Variants in PDE10A observed in about 807,000 individuals in gnomAD.
PDE10A encodes phosphodiesterase 10A.
PDE10A carries 39 observed loss-of-function variants against 97.7 expected under a neutral mutation model. That is an observed-to-expected ratio of 0.40 (90% CI 0.31 to 0.52). PDE10A has a LOEUF of 0.52. PDE10A is among the 20% of genes least tolerant of loss of function. PDE10A has a pLI of 0.56. For synonymous variants in PDE10A, 371 were observed against 376.8 expected, an observed-to-expected ratio of 0.98 and a Z score of 0.18; for missense variants, 731 against 1,047.8, an observed-to-expected ratio of 0.70 and a Z score of 4.17.
chr6:165,343,216 A>G (rs904361713), intron 19 of PDE10A, among the ~76,000 whole-genome samples, 175 bp downstream of exon 19: 1 of 152,240 alleles, frequency 6.6e-6, no homozygotes, highest in Non-Finnish European at 1.5e-5. Context: ...AGTAATATGT[A>G]AAAGAATGAT....
At chr6:165,412,123 G>A (rs1156629351) in intron 13 of PDE10A, among the ~76,000 whole-genome samples, 1 of 151,502 alleles carries the variant, frequency 6.6e-6, no homozygotes, top group African/African-American at 2.4e-5. Flanking sequence ...AATCCAAAAT[G>A]AATTTTAACA....
chr6:165,662,609 G>A lies in PDE10A; in HGVS notation c.203C>T (p.Pro68Leu), dbSNP rs1198907471. 3 of 144,694 alleles carry A rather than the reference G, an allele frequency of 2.1e-5. No individual in the cohort carries two copies. Among genetic ancestry groups the A allele is most frequent in the South Asian group, 2.1e-4 (1 of 4,768 alleles). The allele number at this position is 144,694 out of a possible 1,614,324, so 9.0% of individuals were successfully genotyped here. A position where few individuals can be genotyped will look rare whatever the true frequency, so the allele number is the denominator to read the frequency against. The change falls in exon 1 of 22, where the codon CCC (proline) becomes CTC (leucine). Residue 68 changes from proline (P) to leucine (L), a missense_variant. Around this residue, in one of 8 missense-constraint regions of PDE10A, gnomAD observed 181 missense variants for 159.1 expected, o/e 1.14. Coordinates refer to ENST00000539869, the MANE Select transcript of PDE10A (RefSeq NM_001385079.1). Reference sequence around the variant, plus strand: ...GCTGGGGCGGCCTGCGGAGGAGAGGGGCGGGCGCGGGGGCGCGGCGCGCTC... The same window carrying A: ...GCTGGGGCGGCCTGCGGAGGAGAGGAGCGGGCGCGGGGGCGCGGCGCGCTC... ...RAERAAPPRP[P>L]LSSAGRPSPA...
chr6:165,498,637 C>T (rs1298067812), intron 2 of PDE10A, among the ~76,000 whole-genome samples: 1 of 151,770 alleles, frequency 6.6e-6, no homozygotes, highest in African/African-American at 2.4e-5. Context: ...GAGATCTTAA[C>T]TGGAAAGTGT....
At chr6:165,560,522 G>A (rs1485231649) in intron 1 of PDE10A, among the ~76,000 whole-genome samples, 3 of 152,212 alleles carry the variant, frequency 2.0e-5, no homozygotes, top group Non-Finnish European at 4.4e-5. Flanking sequence ...GTAAACGGGT[G>A]TTGGTTTAAG....
intron 15 of PDE10A, 80 bp from the exon 16 acceptor site, chr6:165,392,876 T>C (rs2128215988): frequency 8.2e-7 from 1 of 1,223,114 alleles, no homozygotes; most frequent in Non-Finnish European, 1.2e-6. Context: ...TTTAGGTACA[T>C]ATATGTCTGT....
At chr6:165,790,501 G>C (rs527543443) in intron 1 of PDE10A, among the ~76,000 whole-genome samples, 1 of 152,260 alleles carries the variant, frequency 6.6e-6, no homozygotes, top group African/African-American at 2.4e-5. Context: ...AGCATCCATA[G>C]CATTTTGTCA....
At chr6:165,482,256 A>G (rs1436512800) in intron 3 of PDE10A, 59 bp downstream of exon 3, 1 of 1,178,188 alleles carries the variant, frequency 8.5e-7, no homozygotes, top group East Asian at 2.3e-5. Context: ...ACTGAGAGAT[A>G]AACAAAACAG....
At chr6:165,832,055 ACAT>A (rs1321205212) in intron 1 of PDE10A, among the ~76,000 whole-genome samples, 1 of 152,228 alleles carries the variant, frequency 6.6e-6, no homozygotes, top group Non-Finnish European at 1.5e-5. Flanking sequence ...TTACAATGAG[ACAT>A]CATGGAAGTT....
chr6:165,343,054 G>T (rs754244475), intron 19 of PDE10A, among the ~76,000 whole-genome samples: 2 of 152,128 alleles, frequency 1.3e-5, no homozygotes, highest in African/African-American at 4.8e-5. Context: ...TGAGTACTTT[G>T]TCCAGTGCCT....
At position 165,802,680 on chromosome 6, in the gene PDE10A, G is replaced by A. The variant is rs79709442; in HGVS notation, c.-615+184849C>T. The stretch of plus-strand genomic sequence containing the variant: ...ATCAGCTTCCTGGACAACCTGGTCC[G>A]TTCCACACATATGGGGTCTGCAAGG... On this transcript the variant is annotated intron_variant, in intron 1 of 19. Coordinates refer to the PDE10A transcript ENST00000366882. Among the ~76,000 whole-genome samples the A allele has an allele frequency of 4.6e-3, 704 of 152,302 alleles. 6 individuals are homozygous for A. Among genetic ancestry groups the A allele is most frequent in the African/African-American group, 0.016 (661 of 41,566 alleles).
At chr6:165,688,141 C>T (rs1791173278) in intron 1 of PDE10A, among the ~76,000 whole-genome samples, 1 of 152,226 alleles carries the variant, frequency 6.6e-6, no homozygotes, top group South Asian at 2.1e-4. Flanking sequence ...AGGGAGAATT[C>T]AAGGAGTTAT....
chr6:165,984,263 C>T (rs540073642), intron 1 of PDE10A, among the ~76,000 whole-genome samples: 1 of 152,292 alleles, frequency 6.6e-6, no homozygotes, highest in African/African-American at 2.4e-5. Context: ...GCAAAATATC[C>T]TCTGTAGACT....
chr6:165,339,014 T>C (rs1006669548), intron 20 of PDE10A, among the ~76,000 whole-genome samples: 3 of 152,246 alleles, frequency 2.0e-5, no homozygotes, highest in African/African-American at 7.2e-5. Flanking sequence ...GTATAAACTC[T>C]TTTAGAGTCT....
intron 1 of PDE10A, among the ~76,000 whole-genome samples, chr6:165,756,505 A>G (rs2128457039): frequency 6.6e-6 from 1 of 152,202 alleles, no homozygotes; most frequent in South Asian, 2.1e-4. Context: ...TCACACTATT[A>G]TATTGCTGTT....
At position 165,898,223 on chromosome 6, in the gene PDE10A, T is replaced by C. The variant is rs541471966; in HGVS notation, c.-615+89306A>G. On this transcript the variant is annotated intron_variant, in intron 1 of 19. Transcript: ENST00000366882. ...GCGATAAACTAAGCTCTCACTGTTT[T>C]TACACTGAGAAGGTGGCTGCAGTAG... 1.0e-3 allele frequency among the ~76,000 whole-genome samples: 154 copies of C among 152,236 alleles called. 1 individual carries two copies. Among genetic ancestry groups the C allele is most frequent in the Admixed American group, 9.0e-3 (138 of 15,294 alleles).
chr6:165,492,004 T>G (rs1780255754), intron 2 of PDE10A, among the ~76,000 whole-genome samples: 1 of 139,298 alleles, frequency 7.2e-6, no homozygotes, highest in African/African-American at 2.8e-5. Context: ...CCAAATAAGC[T>G]CAATAAGAAA....
At chr6:165,591,104 T>C (rs773678022) in intron 1 of PDE10A, among the ~76,000 whole-genome samples, 3 of 152,082 alleles carry the variant, frequency 2.0e-5, no homozygotes, top group Non-Finnish European at 2.9e-5. Context: ...GGTATTTTTA[T>C]TGGGAAAAAA....
intron 1 of PDE10A, among the ~76,000 whole-genome samples, chr6:165,795,011 G>A (rs1057054841): frequency 1.3e-5 from 2 of 152,138 alleles, no homozygotes; most frequent in African/African-American, 4.8e-5. Context: ...TATGTGACAT[G>A]GGCTTATTTC....
At chr6:165,614,022 A>T (rs1787614484) in intron 1 of PDE10A, among the ~76,000 whole-genome samples, 1 of 152,072 alleles carries the variant, frequency 6.6e-6, no homozygotes, top group South Asian at 2.1e-4. Flanking sequence ...CCCTGCTCCC[A>T]CTTCTGCCGT....
Sources: gnomAD v4.1 joint callset for allele counts (sites outside exome capture counted in the v4.1 genomes callset) on GRCh38, gnomAD v4.1.1 for gene constraint, gnomAD v4.1.1 regional missense constraint, MANE v1.5 for transcripts, NCBI Gene and HGNC (gene_info 2026-07-23, HGNC 2026-07-21) for gene names.